The following SMC2 variants were observed in gnomAD, a reference collection of about 807,000 sequenced individuals.
SMC2 encodes structural maintenance of chromosomes 2, also known as structural maintenance of chromosomes protein 2.
In SMC2, 41 loss-of-function variants were observed where a neutral mutation model predicts 142.6. The observed-to-expected ratio is 0.29, with a 90% CI of 0.22 to 0.37. The LOEUF (loss-of-function observed/expected upper bound fraction) is 0.37. Among genes scored for constraint, SMC2 ranks in the 10% least tolerant of loss-of-function variants. The probability of loss-of-function intolerance (pLI) is 1.00; values close to 1 mark genes in which losing one functional copy is unlikely to be tolerated. For synonymous variants in SMC2, 463 were observed against 457.5 expected (o/e 1.01, Z -0.15); for missense variants, 1,265 against 1,373.7 (o/e 0.92, Z 1.25).
intron 20 of SMC2, 113 bp from the exon 21 acceptor site, chr9:104,129,532 G>C: frequency 4.6e-6 from 4 of 870,148 alleles, no homozygotes; most frequent in Non-Finnish European, 7.2e-6. Context: ...GTCATTGAAG[G>C]TTTTTTCCTC....
chr9:104,112,634 T>C (rs1832603000), intron 10 of SMC2, among the ~76,000 whole-genome samples: 1 of 152,150 alleles, frequency 6.6e-6, no homozygotes, highest in South Asian at 2.1e-4. Context: ...TACTCTACTC[T>C]CAGTTTGTCT....
At chr9:104,127,924 CAGTATTTGCAACTTTA>C (rs1834495449) in intron 20 of SMC2, among the ~76,000 whole-genome samples, 1 of 152,146 alleles carries the variant, frequency 6.6e-6, no homozygotes, top group African/African-American at 2.4e-5. Flanking sequence ...TTACTGCTGT[CAGTATTTGCAACTTTA>C]TAAAAAATCT....
intron 8 of SMC2, 60 bp from the exon 9 acceptor site, chr9:104,102,364 T>C (rs1831248337): frequency 3.4e-6 from 5 of 1,475,592 alleles, no homozygotes; most frequent in Admixed American, 2.2e-5. Context: ...ACTCATACAA[T>C]AAAATGACAG....
rs190802383 is a variant in SMC2, at chr9:104,112,839, G to A, written c.1255-477G>A. ...TTTAATTATCAGACTCAGCATTTAA[G>A]TTTCTCTGTCAGTTTAGCTTCTTTT... On this transcript the variant is annotated intron_variant, in intron 10 of 24. Coordinates refer to ENST00000374793, the MANE Select transcript of SMC2 (RefSeq NM_006444.3). Among the ~76,000 whole-genome samples, 26 of 152,204 alleles carry A rather than the reference G, an allele frequency of 1.7e-4. No homozygotes were observed. The East Asian group carries it at 4.4e-3, about 26-fold the overall frequency.
At chr9:104,106,962 A>G (rs1007852766) in intron 9 of SMC2, among the ~76,000 whole-genome samples, 2 of 151,160 alleles carry the variant, frequency 1.3e-5, no homozygotes, top group Non-Finnish European at 3.0e-5. Context: ...CTTTCAGTAA[A>G]CCCCGCCATA....
chr9:104,097,539 A>G lies in SMC2; in HGVS notation c.319-907A>G, dbSNP rs1830597298. On this transcript the variant is annotated intron_variant, in intron 3 of 24. Transcript: ENST00000374793. ...AAAAAAAAAAAAAGAAGCGTAGGCC[A>G]CGTTAGGACAGAATCCTGTTCCATG... Among the ~76,000 whole-genome samples the G allele has an allele frequency of 2.7e-5, 4 of 147,478 alleles. No homozygotes were observed. The South Asian group carries it at 8.5e-4, about 32-fold the overall frequency.
chr9:104,109,016 A>G (rs1032267263), intron 9 of SMC2, among the ~76,000 whole-genome samples: 2 of 152,182 alleles, frequency 1.3e-5, no homozygotes, highest in Non-Finnish European at 2.9e-5. Context: ...CATTCCCTCT[A>G]TCAGAATGTT....
intron 21 of SMC2, among the ~76,000 whole-genome samples, chr9:104,131,074 T>C (rs1282886292): frequency 6.6e-6 from 1 of 152,120 alleles, no homozygotes; most frequent in Non-Finnish European, 1.5e-5. Context: ...TAAAGGTGAA[T>C]GTGAAGCCTC....
At chr9:104,116,910 A>G (rs1377564086) in intron 14 of SMC2, among the ~76,000 whole-genome samples, 2 of 152,200 alleles carry the variant, frequency 1.3e-5, no homozygotes, top group African/African-American at 4.8e-5. Flanking sequence ...ATACTGTAAA[A>G]ACATGAAGTC....
intron 16 of SMC2, among the ~76,000 whole-genome samples, chr9:104,121,250 T>G (rs918974665): frequency 6.6e-6 from 1 of 152,178 alleles, no homozygotes; most frequent in East Asian, 1.9e-4. Flanking sequence ...CGCAGCACTT[T>G]GGGAGGCTGA....
chr9:104,115,749 G>GTAT (rs200210372), intron 13 of SMC2, among the ~76,000 whole-genome samples: 8,580 of 152,024 alleles, frequency 0.056, 644 homozygotes, highest in African/African-American at 0.18. Context: ...TCAGTATATA[G>GTAT]TATTAATTAT....
In SMC2 at chr9:104,102,047, G is replaced by T. The variant is rs993032742; in HGVS notation, c.724G>T (p.Ala242Ser). 5 of 1,612,744 alleles carry T rather than the reference G, an allele frequency of 3.1e-6. No homozygotes were observed. The highest frequency in any genetic ancestry group is 4.2e-6 in the Non-Finnish European group (5 of 1,179,236). The change falls in exon 8 of 25, where the codon GCT becomes TCT. Residue 242 changes from alanine to serine, a missense_variant. Physicochemically the swap from Ala to Ser is moderately conservative, Grantham distance 99. Transcript: ENST00000374793. The stretch of plus-strand genomic sequence containing the variant: ...ATATATTGCTTATCAGTTTTTGCTG[G>T]CTGAAGATACCAAAGTACGCTCAGC... ...RLYIAYQFLL[A>S]EDTKVRSAEE...
intron 9 of SMC2, among the ~76,000 whole-genome samples, chr9:104,104,748 C>T (rs1831555922): frequency 6.6e-6 from 1 of 152,154 alleles, no homozygotes; most frequent in South Asian, 2.1e-4. Context: ...TTATTATGCC[C>T]ACAGACTTCT....
Position 104,141,364 on chromosome 9 carries a change from G to A in SMC2, c.*2049G>A, listed in dbSNP as rs1326646135. 1.3e-5 allele frequency: 2 copies of A among 152,044 alleles called. No individual in the cohort carries two copies. The highest frequency in any genetic ancestry group is 6.6e-5 in the Admixed American group (1 of 15,252). 9.4% of individuals were successfully genotyped at this position (152,044 alleles called of 1,614,324 possible). On this transcript the variant is annotated 3_prime_UTR_variant, in exon 25 of 25. Coordinates refer to ENST00000374793, the MANE Select transcript of SMC2 (RefSeq NM_006444.3). ...GTCTCCAGAACCTAAGATATACTAC[G>A]TCACTGACAGCTTGAACATTTGTAT...
At chr9:104,137,985 A>AT (rs766643831) in intron 23 of SMC2, 33 bp from the exon 24 acceptor site, 2 of 1,496,208 alleles carry the variant, frequency 1.3e-6, no homozygotes, top group Non-Finnish European at 1.8e-6. Context: ...ATAAAATCAA[A>AT]TTTTTATGGC....
intron 19 of SMC2, 115 bp downstream of exon 19, chr9:104,126,899 A>G (rs955012049): frequency 9.5e-7 from 1 of 1,055,800 alleles, no homozygotes; most frequent in African/African-American, 1.6e-5. Flanking sequence ...TCATGAGAGA[A>G]TGAGGCACAA....
chr9:104,099,965 T>C, intron 5 of SMC2, 128 bp from the exon 6 acceptor site: 3 of 657,686 alleles, frequency 4.6e-6, no homozygotes, highest in South Asian at 3.7e-5. Context: ...ATTTAACCTA[T>C]ATGGTTCATT....
At chr9:104,101,233 C>T (rs547248453) in intron 7 of SMC2, among the ~76,000 whole-genome samples, 23 of 152,276 alleles carry the variant, frequency 1.5e-4, no homozygotes, top group African/African-American at 3.6e-4. Flanking sequence ...CTGTGCCCAG[C>T]CAAACGACGT....
At chr9:104,114,934 G>A (rs1832913200) in intron 13 of SMC2, 105 bp downstream of exon 13, 1 of 882,348 alleles carries the variant, frequency 1.1e-6, no homozygotes, top group Non-Finnish European at 1.6e-6. Flanking sequence ...CTCCCCTAAG[G>A]TGACTTATTT....
Sources: gnomAD v4.1 joint callset for allele counts (sites outside exome capture counted in the v4.1 genomes callset) on GRCh38, gnomAD v4.1.1 for gene constraint, MANE v1.5 for transcripts, NCBI Gene and HGNC (gene_info 2026-07-23, HGNC 2026-07-21) for gene names.